Variants in MARCHF1 observed in about 807,000 individuals in gnomAD.
MARCHF1 encodes E3 ubiquitin-protein ligase MARCHF1.
In MARCHF1, 40 loss-of-function variants were observed where a neutral mutation model predicts 54.2. The observed-to-expected ratio is 0.74, with a 90% confidence interval of 0.57 to 0.96. The LOEUF (loss-of-function observed/expected upper bound fraction) is 0.96, where lower values mean the gene tolerates loss of function less well. Ranked by LOEUF, MARCHF1 falls within the 40% of genes least tolerant of loss-of-function variation. MARCHF1 has a pLI of 0.00. For synonymous variants in MARCHF1, 236 were observed against 236.3 expected (o/e 1.00, Z 0.01); for missense variants, 586 against 656.5 (o/e 0.89, Z 1.17).
chr4:163,933,053 T>C, intron 3 of MARCHF1: 2 of 1,478,974 alleles, frequency 1.4e-6, no homozygotes, highest in Non-Finnish European at 1.8e-6. Context: ...TATTTTACTA[T>C]GAGATTCTTA....
chr4:163,632,967 G>A (rs1208540547), intron 5 of MARCHF1, among the ~76,000 whole-genome samples: 1 of 150,476 alleles, frequency 6.6e-6, no homozygotes, highest in Non-Finnish European at 1.5e-5. Context: ...TAACTAGGAG[G>A]CGCCCCCCAG....
chr4:164,223,073 C>T (rs1264882543), intron 1 of MARCHF1, among the ~76,000 whole-genome samples: 1 of 151,862 alleles, frequency 6.6e-6, no homozygotes, highest in African/African-American at 2.4e-5. Flanking sequence ...TATTCACTAC[C>T]ACAAGAACAG....
At chr4:164,087,665 G>T (rs574041302) in intron 2 of MARCHF1, among the ~76,000 whole-genome samples, 3 of 152,142 alleles carry the variant, frequency 2.0e-5, no homozygotes, top group African/African-American at 7.2e-5. Context: ...TTCATCCCAG[G>T]TTCCCAGCTA....
At chr4:164,224,792 A>G (rs186275493) in intron 1 of MARCHF1, among the ~76,000 whole-genome samples, 1 of 152,226 alleles carries the variant, frequency 6.6e-6, no homozygotes, top group East Asian at 1.9e-4. Context: ...TTTAGAAAGC[A>G]ACATATAAAG....
intron 3 of MARCHF1, among the ~76,000 whole-genome samples, chr4:163,972,313 G>A (rs987419052): frequency 6.6e-6 from 1 of 152,028 alleles, no homozygotes; most frequent in African/African-American, 2.4e-5. Flanking sequence ...AAACCTGCAC[G>A]TTCTGCACAT....
Position 164,102,769 on chromosome 4 carries a change from A to G in MARCHF1, c.-248+8819T>C, listed in dbSNP as rs1229276862. ...GATTAAATTCACACATAACAATATT[A>G]ACTTTAAATGTCAATGGACTAAATG... On this transcript the variant is annotated intron_variant, in intron 2 of 9. Coordinates refer to ENST00000514618, the MANE Select transcript of MARCHF1 (RefSeq NM_001394959.1). 1.4e-4 allele frequency among the ~76,000 whole-genome samples: 21 copies of G among 150,818 alleles called. No individual in the cohort carries two copies. The East Asian group carries it at 1.9e-3, about 14-fold the overall frequency.
downstream of MARCHF1, chr4:163,524,655 G>A (rs1738038093): frequency 6.6e-6 from 1 of 152,148 alleles, no homozygotes. Flanking sequence ...AAAAATGTAT[G>A]TGTGTTTGGA....
chr4:164,006,585 C>A (rs1213612837), intron 2 of MARCHF1, among the ~76,000 whole-genome samples: 1 of 151,952 alleles, frequency 6.6e-6, no homozygotes, highest in Non-Finnish European at 1.5e-5. Context: ...AAAAAACTAT[C>A]CAAAAATTGA....
intron 1 of MARCHF1, among the ~76,000 whole-genome samples, chr4:164,145,441 G>C (rs144076815): frequency 0.013 from 1,936 of 151,942 alleles, 35 homozygotes; most frequent in African/African-American, 0.041. Context: ...CTGGCAAAAC[G>C]AATCCAGCAG....
At chr4:164,009,853 ACTGAAAGACTTC>A (rs1560860163) in intron 2 of MARCHF1, among the ~76,000 whole-genome samples, 2 of 152,206 alleles carry the variant, frequency 1.3e-5, no homozygotes, top group Admixed American at 6.5e-5. Flanking sequence ...ATGGAGAAAA[ACTGAAAGACTTC>A]CTTTTAAGGT....
chr4:164,101,935 G>A (rs1755572358), intron 2 of MARCHF1, among the ~76,000 whole-genome samples: 2 of 149,166 alleles, frequency 1.3e-5, no homozygotes, highest in Admixed American at 1.3e-4. Context: ...TGATGGAGCT[G>A]AAAACCAAGG....
chr4:164,261,669 CAAAGAA>C (rs1560978704), intron 1 of MARCHF1, among the ~76,000 whole-genome samples: 1 of 152,188 alleles, frequency 6.6e-6, no homozygotes, highest in Non-Finnish European at 1.5e-5. Context: ...ATCAGCTCTT[CAAAGAA>C]CTGGCTCCTT....
At chr4:163,841,057 T>C (rs1225677540) in intron 4 of MARCHF1, among the ~76,000 whole-genome samples, 1 of 152,140 alleles carries the variant, frequency 6.6e-6, no homozygotes, top group South Asian at 2.1e-4. Flanking sequence ...GCACACACTG[T>C]ATTAAGATTA....
At chr4:163,766,670 A>G (rs1252255321) in intron 4 of MARCHF1, among the ~76,000 whole-genome samples, 1 of 152,218 alleles carries the variant, frequency 6.6e-6, no homozygotes, top group African/African-American at 2.4e-5. Flanking sequence ...CCTTCAATCA[A>G]TCACAGAAAA....
chr4:164,140,269 C>T (rs1264192062), intron 1 of MARCHF1, among the ~76,000 whole-genome samples: 3 of 141,472 alleles, frequency 2.1e-5, no homozygotes, highest in Non-Finnish European at 3.2e-5. Context: ...ATGAAACTGA[C>T]CCAATTGTCC....
At chr4:163,779,293 T>C (rs189136031) in intron 4 of MARCHF1, among the ~76,000 whole-genome samples, 3 of 152,330 alleles carry the variant, frequency 2.0e-5, no homozygotes, top group Admixed American at 2.0e-4. Context: ...TGGAGTGTTA[T>C]AAGTAATAGT....
chr4:163,971,438 T>A (rs1287615317), intron 3 of MARCHF1, among the ~76,000 whole-genome samples: 2 of 152,230 alleles, frequency 1.3e-5, no homozygotes, highest in Non-Finnish European at 2.9e-5. Context: ...GTGTTACATA[T>A]AACTTAACTG....
chr4:164,073,197 T>C (rs1045587305), intron 2 of MARCHF1, among the ~76,000 whole-genome samples: 2 of 152,198 alleles, frequency 1.3e-5, no homozygotes, highest in Admixed American at 1.3e-4. Flanking sequence ...ATTGGAAGTG[T>C]GTGTTCATTG....
chr4:163,656,490 G>C (rs190749766), intron 5 of MARCHF1, among the ~76,000 whole-genome samples: 2 of 151,500 alleles, frequency 1.3e-5, no homozygotes, highest in Admixed American at 1.3e-4. Context: ...ACAGGAGATG[G>C]TACCATTTCT....
Sources: allele counts gnomAD v4.1 joint callset (sites outside exome capture counted in the v4.1 genomes callset), GRCh38; gene constraint gnomAD v4.1.1; transcripts MANE v1.5; gene names NCBI Gene and HGNC (gene_info 2026-07-23, HGNC 2026-07-21).